The following ARID3B variants were observed in gnomAD, a reference collection of about 807,000 sequenced individuals.
The protein encoded by ARID3B is AT-rich interaction domain 3B, also known as AT-rich interactive domain-containing protein 3B.
ARID3B carries 10 observed loss-of-function variants against 51.9 expected under a neutral mutation model. The ratio of observed to expected loss-of-function variants is 0.19; its 90% CI spans 0.12 to 0.33. The LOEUF (loss-of-function observed/expected upper bound fraction) is 0.33, where lower values mean the gene tolerates loss of function less well. Among genes scored for constraint, ARID3B ranks in the 10% least tolerant of loss-of-function variants. ARID3B has a pLI of 1.00. For missense variants in ARID3B, 483 were observed against 716.3 expected, an observed-to-expected ratio of 0.67 and a Z score of 3.72; for synonymous variants, 205 against 279.5, an observed-to-expected ratio of 0.73 and a Z score of 2.66.
intron 2 of ARID3B, among the ~76,000 whole-genome samples, chr15:74,558,558 CAAAA>C: frequency 6.9e-6 from 1 of 145,802 alleles, no homozygotes. Flanking sequence ...TTCATACATA[CAAAA>C]AAAAAAGAAT....
At chr15:74,547,475 G>A (rs190844343) in intron 2 of ARID3B, among the ~76,000 whole-genome samples, 5 of 151,736 alleles carry the variant, frequency 3.3e-5, no homozygotes, top group East Asian at 1.9e-4. Context: ...GAGCCACCGC[G>A]CCTACCCTGA....
chr15:74,581,458 C>A (rs1466101211), intron 4 of ARID3B, among the ~76,000 whole-genome samples: 1 of 152,174 alleles, frequency 6.6e-6, no homozygotes, highest in Non-Finnish European at 1.5e-5. Context: ...CCCTTCCTGG[C>A]AGACGAAAAT....
intron 2 of ARID3B, among the ~76,000 whole-genome samples, chr15:74,549,784 C>T (rs2061629607): frequency 6.6e-6 from 1 of 152,116 alleles, no homozygotes; most frequent in African/African-American, 2.4e-5. Context: ...TGCCCCTTCC[C>T]AGGGGACATT....
chr15:74,564,459 A>G (rs975294631), intron 2 of ARID3B, among the ~76,000 whole-genome samples: 1 of 152,244 alleles, frequency 6.6e-6, no homozygotes, highest in African/African-American at 2.4e-5. Context: ...GATCTGGCCA[A>G]TGATAAGATA....
intron 1 of ARID3B, among the ~76,000 whole-genome samples, chr15:74,542,831 G>A (rs2061599734): frequency 6.6e-6 from 1 of 152,142 alleles, no homozygotes; most frequent in Admixed American, 6.5e-5. Context: ...TGGGGGTGAG[G>A]GCCTGCAGGG....
At chr15:74,544,967 G>A (rs1295487744) in intron 2 of ARID3B, among the ~76,000 whole-genome samples, 1 of 152,150 alleles carries the variant, frequency 6.6e-6, no homozygotes, top group East Asian at 1.9e-4. Flanking sequence ...TGGGATTACA[G>A]GCATGAGCCA....
chr15:74,565,649 C>T (rs752221932), intron 2 of ARID3B, among the ~76,000 whole-genome samples: 18 of 151,914 alleles, frequency 1.2e-4, no homozygotes, highest in African/African-American at 2.7e-4. Flanking sequence ...TAAAGTCAGG[C>T]GCTTCTGTCT....
chr15:74,544,367 C>T lies in ARID3B; in HGVS notation c.431C>T (p.Pro144Leu), dbSNP rs754060437. Residue 144 changes from proline (P) to leucine (L), a missense_variant, in exon 2 of 9, where the codon CCA becomes CTA. By Grantham distance (98) the Pro-to-Leu change is moderately conservative. Coordinates refer to ENST00000346246, the MANE Select transcript of ARID3B (RefSeq NM_006465.4). ...CCCATGTCCAATCTACTTCCAGCAC[C>T]AGGGCTCCCACCACATGGACAACAA... ...VAPMSNLLPA[P>L]GLPPHGQQAK... 3.1e-6 allele frequency: 5 copies of T among 1,613,012 alleles called. No homozygotes were observed. Among genetic ancestry groups the T allele is most frequent in the Non-Finnish European group, 4.2e-6 (5 of 1,179,468 alleles).
At chr15:74,578,099 C>T (rs920770926) in intron 4 of ARID3B, among the ~76,000 whole-genome samples, 13 of 152,002 alleles carry the variant, frequency 8.6e-5, no homozygotes, top group African/African-American at 2.9e-4. Context: ...TCGAGTGATC[C>T]GCCTGCCTCC....
At chr15:74,578,603 T>G (rs995349084) in intron 4 of ARID3B, among the ~76,000 whole-genome samples, 7 of 152,118 alleles carry the variant, frequency 4.6e-5, no homozygotes, top group African/African-American at 1.7e-4. Flanking sequence ...CTCATAGACC[T>G]CAGCAGCAGG....
chr15:74,595,594 C>T lies in ARID3B; in HGVS notation c.1520-17C>T. 1.2e-6 allele frequency: 2 copies of T among 1,609,758 alleles called. No individual in the cohort carries two copies. Among genetic ancestry groups the T allele is most frequent in the East Asian group, 2.2e-5 (1 of 44,804 alleles). On this transcript the variant is annotated splice_polypyrimidine_tract_variant and intron_variant, in intron 8 of 8. Coordinates refer to ENST00000346246, the MANE Select transcript of ARID3B (RefSeq NM_006465.4). ...GCTCTTCCTCTGCCCACACTTGCTT[C>T]TCTTCCACCCACCAAGGTGTGCTGT...
chr15:74,552,056 CTTTTTT>C (rs869096001), intron 2 of ARID3B, among the ~76,000 whole-genome samples: 8 of 102,610 alleles, frequency 7.8e-5, no homozygotes, highest in African/African-American at 3.2e-4. Context: ...TCTTTCTTTC[CTTTTTT>C]TTTTTTTTTT....
rs768356045 is a variant in ARID3B at position 74,591,711 on chromosome 15, G to A, written c.1317G>A (p.Ser439=). Residue 439 remains serine (S), a synonymous_variant, in exon 7 of 9, where the codon TCG becomes TCA. Transcript: ENST00000346246. The surrounding 1 kb of genome is among the most constrained non-coding windows in gnomAD (Gnocchi z 5.8). ...ESGEPAEKKA[S]RLSEEEQRLV... ...GGGAGCCTGCTGAGAAGAAGGCATC[G>A]AGGCTGTCTGAGGAGGAGCAGCGCC... 7 of 1,613,978 alleles carry A rather than the reference G, an allele frequency of 4.3e-6. No homozygotes were observed. Among genetic ancestry groups the A allele is most frequent in the East Asian group, 4.5e-5 (2 of 44,868 alleles).
At chr15:74,543,811 ATGG>A in intron 1 of ARID3B, 46 bp from the exon 2 acceptor site, 3 of 1,272,360 alleles carry the variant, frequency 2.4e-6, no homozygotes, top group Non-Finnish European at 3.3e-6. Context: ...CCTGCTTAAC[ATGG>A]TTGTTTTTTC....
intron 1 of ARID3B, among the ~76,000 whole-genome samples, chr15:74,542,363 A>G (rs1290811751): frequency 1.3e-5 from 2 of 152,216 alleles, no homozygotes; most frequent in South Asian, 4.1e-4. Context: ...CGTAACTCAC[A>G]CTTTCTGAAG....
chr15:74,550,235 C>T (rs2061631338), intron 2 of ARID3B, among the ~76,000 whole-genome samples: 1 of 152,166 alleles, frequency 6.6e-6, no homozygotes, highest in South Asian at 2.1e-4. Flanking sequence ...GCCCAGCACT[C>T]CATGATATCT....
intron 2 of ARID3B, among the ~76,000 whole-genome samples, chr15:74,555,786 C>CTTTTTTTT (rs869243539): frequency 3.6e-4 from 34 of 95,054 alleles, no homozygotes; most frequent in Non-Finnish European, 5.1e-4. Flanking sequence ...AGCTGTATTT[C>CTTTTTTTT]TTTTTTTTTT....
intron 8 of ARID3B, among the ~76,000 whole-genome samples, chr15:74,594,033 A>ACT (rs2141482563): frequency 6.6e-6 from 1 of 151,202 alleles, no homozygotes; most frequent in South Asian, 2.1e-4. Context: ...ACAAAGCAAG[A>ACT]CCTTGTCTCA....
rs202077230 is a variant in ARID3B at position 74,553,803 on chromosome 15, T to TTTTATTTA, written c.552+9338_552+9345dup. Among the ~76,000 whole-genome samples the TTTTATTTA allele has an allele frequency of 6.8e-3, 1,022 of 150,242 alleles. 11 individuals carry two copies. The highest frequency in any genetic ancestry group is 0.021 in the African/African-American group (873 of 40,984). Reference sequence around the variant, plus strand: ...TCTTTTTTTTGTTTTGTTTTTTAATTTTTATTTATTTATTTATTTATTTAT... The same window carrying TTTTATTTA: ...TCTTTTTTTTGTTTTGTTTTTTAATTTTTATTTATTTATTTATTTATTTATTTATTTAT... On this transcript the variant is annotated intron_variant, in intron 2 of 8. Coordinates refer to ENST00000346246, the MANE Select transcript of ARID3B (RefSeq NM_006465.4).
Sources: gnomAD v4.1 joint callset for allele counts (sites outside exome capture counted in the v4.1 genomes callset) on GRCh38, gnomAD v4.1.1 for gene constraint, Gnocchi (gnomAD v3.1) non-coding constraint, MANE v1.5 for transcripts, NCBI Gene and HGNC (gene_info 2026-07-23, HGNC 2026-07-21) for gene names.